TGFB2: variants seen among roughly 807,000 people sequenced by gnomAD.
TGFB2 encodes the protein transforming growth factor beta 2, also known as transforming growth factor beta-2 proprotein.
TGFB2 carries 13 observed loss-of-function variants against 42.7 expected under a neutral mutation model. The observed-to-expected ratio is 0.30, with a 90% CI of 0.20 to 0.48. TGFB2 has a LOEUF of 0.48. Ranked by LOEUF, TGFB2 falls within the 20% of genes least tolerant of loss-of-function variation. The pLI is 0.99. For synonymous variants in TGFB2, 193 were observed against 193.6 expected (o/e 1.00, Z 0.03); for missense variants, 390 against 517.5 (o/e 0.75, Z 2.39).
At chr1:218,410,568 A>G (rs528633399) in intron 2 of TGFB2, among the ~76,000 whole-genome samples, 168 of 152,372 alleles carry the variant, frequency 1.1e-3, no homozygotes, top group African/African-American at 3.8e-3. Flanking sequence ...ATGTATACCA[A>G]TAATGGAGGG....
At position 218,434,082 on chromosome 1, in the gene TGFB2, A is replaced by G. The variant is rs1659892590; in HGVS notation, c.511A>G (p.Ile171Val). 1 of 1,613,152 alleles carries G rather than the reference A, an allele frequency of 6.2e-7. No homozygotes were observed. The highest frequency in any genetic ancestry group is 8.5e-7 in the Non-Finnish European group (1 of 1,179,376). ...TTCTCTTGCTCTTTTTCCCCTCCAG[A>G]TTCTCAAGTCCAAAGATTTAACATC... ...VPEQRIELYQ[I>V]LKSKDLTSPT... Residue 171 changes from isoleucine (I) to valine (V), a missense_variant and splice_region_variant, in exon 3 of 7, where the codon ATT (isoleucine) becomes GTT (valine). Physicochemically the swap from Ile to Val is conservative, Grantham distance 29. Coordinates refer to ENST00000366930, the MANE Select transcript of TGFB2 (RefSeq NM_003238.6).
chr1:218,427,866 G>A lies in TGFB2; in HGVS notation c.511-6216G>A, dbSNP rs1296193194. On this transcript the variant is annotated intron_variant, in intron 2 of 6. Transcript: ENST00000366930. ...ATATACCCAGTAATGGGATGGCTGG[G>A]TCAAATGGTATTTCTACTTCTAGAC... Among the ~76,000 whole-genome samples the A allele has an allele frequency of 2.6e-5, 4 of 152,288 alleles. No homozygotes were observed. In the East Asian group the frequency reaches 5.8e-4, roughly 22 times the overall value.
chr1:218,371,275 T>C (rs1657562703), intron 1 of TGFB2, among the ~76,000 whole-genome samples: 1 of 152,172 alleles, frequency 6.6e-6, no homozygotes, highest in Non-Finnish European at 1.5e-5. Context: ...CACTCCAGCC[T>C]GGGCGATAGA....
At chr1:218,368,098 G>C (rs1025869610) in intron 1 of TGFB2, among the ~76,000 whole-genome samples, 21 of 152,236 alleles carry the variant, frequency 1.4e-4, no homozygotes, top group African/African-American at 4.3e-4. Context: ...ACCGTGCCCG[G>C]CTGAAGAGAG....
chr1:218,416,838 G>A (rs565134287), intron 2 of TGFB2, among the ~76,000 whole-genome samples: 5 of 152,318 alleles, frequency 3.3e-5, no homozygotes, highest in African/African-American at 1.2e-4. Context: ...TAGTGAATAA[G>A]TCTCATGAGA....
chr1:218,398,378 T>C (rs1293011308), intron 1 of TGFB2, among the ~76,000 whole-genome samples: 1 of 152,234 alleles, frequency 6.6e-6, no homozygotes, highest in African/African-American at 2.4e-5. Flanking sequence ...TAAGAGGGAA[T>C]AAACAATAGA....
intron 2 of TGFB2, among the ~76,000 whole-genome samples, chr1:218,408,923 G>A (rs549875007): frequency 6.6e-6 from 1 of 152,300 alleles, no homozygotes; most frequent in South Asian, 2.1e-4. Flanking sequence ...TAGAATCAGT[G>A]GGAGCGCTGA....
chr1:218,374,433 G>T (rs1657676494), intron 1 of TGFB2, among the ~76,000 whole-genome samples: 1 of 152,182 alleles, frequency 6.6e-6, no homozygotes, highest in African/African-American at 2.4e-5. Context: ...GACTTCTTGG[G>T]AAAGGAGAGT....
At chr1:218,424,124 C>T (rs766888579) in intron 2 of TGFB2, among the ~76,000 whole-genome samples, 29 of 152,176 alleles carry the variant, frequency 1.9e-4, no homozygotes, top group Non-Finnish European at 2.9e-4. Flanking sequence ...TGCTGTATAC[C>T]CTGCATATCA....
chr1:218,423,808 G>A (rs1156259588), intron 2 of TGFB2, among the ~76,000 whole-genome samples: 2 of 152,188 alleles, frequency 1.3e-5, no homozygotes, highest in Non-Finnish European at 2.9e-5. Context: ...TTGAATACCA[G>A]GCAATGTGAC....
intron 1 of TGFB2, among the ~76,000 whole-genome samples, chr1:218,355,165 G>A (rs1369820813): frequency 6.6e-6 from 1 of 152,214 alleles, no homozygotes; most frequent in African/African-American, 2.4e-5. Context: ...CTCCCAAAGT[G>A]CTGGGATTAT....
At chr1:218,409,854 A>G (rs994159331) in intron 2 of TGFB2, among the ~76,000 whole-genome samples, 3 of 152,152 alleles carry the variant, frequency 2.0e-5, no homozygotes, top group African/African-American at 7.2e-5. Flanking sequence ...GGTCGTTTAC[A>G]TGGTTGTTTG....
At chr1:218,439,107 CAAAAAA>C (rs5781035) in intron 6 of TGFB2, among the ~76,000 whole-genome samples, 2 of 103,918 alleles carry the variant, frequency 1.9e-5, no homozygotes, top group Non-Finnish European at 2.0e-5. Context: ...GATCCTGTCT[CAAAAAA>C]AAAAAAAAAA....
At chr1:218,408,010 CT>C (rs1045161592) in intron 2 of TGFB2, among the ~76,000 whole-genome samples, 2 of 152,156 alleles carry the variant, frequency 1.3e-5, no homozygotes, top group African/African-American at 4.8e-5. Flanking sequence ...CCTTTTTCTT[CT>C]CTTTTTTACC....
intron 2 of TGFB2, among the ~76,000 whole-genome samples, chr1:218,424,247 C>T (rs1003455634): frequency 2.0e-5 from 3 of 152,218 alleles, no homozygotes; most frequent in African/African-American, 7.2e-5. Flanking sequence ...ATGATGAAGA[C>T]ATTGGCTGCA....
rs780033702 is a variant in TGFB2 at position 218,363,270 on chromosome 1, A to T, written c.346+16223A>T. 14 of 1,340,108 alleles carry T rather than the reference A, an allele frequency of 1.0e-5. 1 individual carries two copies. Among genetic ancestry groups the T allele is most frequent in the Non-Finnish European group, 1.5e-5 (14 of 931,644 alleles). 83.0% of individuals were successfully genotyped at this position (1,340,108 alleles called of 1,614,324 possible). On this transcript the variant is annotated intron_variant, in intron 1 of 6. Transcript: ENST00000366930. ...TCCCTCTTCTACTTTGAATCTTTGT[A>T]TAGTTCTGTGCCAGGCATCTCTTCA...
intron 1 of TGFB2, among the ~76,000 whole-genome samples, chr1:218,357,573 A>T (rs1364388337): frequency 6.6e-6 from 1 of 152,128 alleles, no homozygotes; most frequent in Non-Finnish European, 1.5e-5. Flanking sequence ...GAACGCTTGG[A>T]TTTGTTACTG....
At chr1:218,383,128 G>C (rs147491912) in intron 1 of TGFB2, among the ~76,000 whole-genome samples, 6 of 152,306 alleles carry the variant, frequency 3.9e-5, no homozygotes, top group African/African-American at 1.2e-4. Context: ...AATTCCCAAC[G>C]AAGAGGAAAG....
In TGFB2 at chr1:218,442,479, A is replaced by G. The variant is rs1222678236; in HGVS notation, c.*1117A>G. Reference sequence around the variant, plus strand: ...ATAATGTCAACTATGATTTAGATTGACTTAAATTTGGGCTCTTTTTAATGA... The same window carrying G: ...ATAATGTCAACTATGATTTAGATTGGCTTAAATTTGGGCTCTTTTTAATGA... On this transcript the variant is annotated 3_prime_UTR_variant, in exon 7 of 7. Transcript: ENST00000366930. 1 of 152,124 alleles carries G rather than the reference A, an allele frequency of 6.6e-6. No individual in the cohort carries two copies. Among genetic ancestry groups the G allele is most frequent in the Non-Finnish European group, 1.5e-5 (1 of 67,990 alleles). 9.4% of individuals were successfully genotyped at this position (152,124 alleles called of 1,614,324 possible).
Sources: gnomAD v4.1 joint callset for allele counts (sites outside exome capture counted in the v4.1 genomes callset) on GRCh38, gnomAD v4.1.1 for gene constraint, MANE v1.5 for transcripts, NCBI Gene and HGNC (gene_info 2026-07-23, HGNC 2026-07-21) for gene names.